Variants in MAF observed in about 807,000 individuals in gnomAD.
MAF encodes MAF bZIP transcription factor.
In MAF, 10 loss-of-function variants were observed where a neutral mutation model predicts 22.0. The observed-to-expected ratio is 0.45, with a 90% CI of 0.28 to 0.77. The LOEUF (loss-of-function observed/expected upper bound fraction) is 0.77, where lower values mean the gene tolerates loss of function less well. MAF is among the 30% of genes least tolerant of loss of function. The probability of loss-of-function intolerance (pLI) is 0.12; values close to 1 mark genes in which losing one functional copy is unlikely to be tolerated. For synonymous variants in MAF, 337 were observed against 255.8 expected, an observed-to-expected ratio of 1.32 and a Z score of -3.03; for missense variants, 544 against 548.4, an observed-to-expected ratio of 0.99 and a Z score of 0.08.
chr16:79,298,896 C>T, the MAF span, among the ~76,000 whole-genome samples: 1 of 152,240 alleles, frequency 6.6e-6, no homozygotes, highest in South Asian at 2.1e-4. Flanking sequence ...GCAGACAGGC[C>T]TCCAGGGCTA....
chr16:79,273,411 G>A, the MAF span, among the ~76,000 whole-genome samples: 1 of 152,178 alleles, frequency 6.6e-6, no homozygotes. Flanking sequence ...ACGTCCATTT[G>A]CTGCTGTAAC....
chr16:79,453,976 A>C, the MAF span, among the ~76,000 whole-genome samples: 1 of 152,190 alleles, frequency 6.6e-6, no homozygotes, highest in East Asian at 1.9e-4. Context: ...TAATAATGGC[A>C]TTAATTCATA....
the MAF span, among the ~76,000 whole-genome samples, chr16:79,236,852 G>C: frequency 6.6e-6 from 1 of 151,240 alleles, no homozygotes; most frequent in Non-Finnish European, 1.5e-5. Context: ...ACCTATACAA[G>C]GTTTACAGCC....
downstream of MAF, among the ~76,000 whole-genome samples, chr16:79,592,346 G>GA (rs918037671): frequency 6.6e-6 from 1 of 152,062 alleles, no homozygotes; most frequent in Non-Finnish European, 1.5e-5. Context: ...CCCCGCTAGG[G>GA]AAAAAAATGC....
chr16:79,433,724 A>G, the MAF span, among the ~76,000 whole-genome samples: 1 of 151,920 alleles, frequency 6.6e-6, no homozygotes, highest in Non-Finnish European at 1.5e-5. Context: ...TCTGTGTGCC[A>G]CCTCCTGGAT....
chr16:79,368,091 C>T, the MAF span, among the ~76,000 whole-genome samples: 1 of 152,200 alleles, frequency 6.6e-6, no homozygotes, highest in Admixed American at 6.5e-5. Flanking sequence ...CTGCATGCTG[C>T]TCCCTGCTCT....
At chr16:79,449,690 A>G in the MAF span, among the ~76,000 whole-genome samples, 1 of 152,136 alleles carries the variant, frequency 6.6e-6, no homozygotes. Context: ...ATGTTCCAGA[A>G]GTTTTTCCTT....
chr16:79,335,001 A>C, the MAF span, among the ~76,000 whole-genome samples: 5 of 151,818 alleles, frequency 3.3e-5, no homozygotes, highest in African/African-American at 1.2e-4. Flanking sequence ...CCTGGCCAAC[A>C]TGGTGAAACC....
At chr16:79,211,803 C>T in the MAF span, 2 of 1,613,976 alleles carry the variant, frequency 1.2e-6, no homozygotes, top group African/African-American at 1.3e-5. Flanking sequence ...CTAAGTGGAG[C>T]TCAGAGCGGA....
the MAF span, among the ~76,000 whole-genome samples, chr16:79,554,334 T>C: frequency 6.6e-6 from 1 of 152,186 alleles, no homozygotes; most frequent in East Asian, 1.9e-4. Flanking sequence ...TATCCATGTC[T>C]GCTGGTCTCT....
the MAF span, among the ~76,000 whole-genome samples, chr16:79,545,420 T>C: frequency 3.3e-5 from 5 of 152,160 alleles, no homozygotes; most frequent in African/African-American, 4.8e-5. Flanking sequence ...GACAGCAGAA[T>C]GTTAAATCAA....
the MAF span, among the ~76,000 whole-genome samples, chr16:79,444,296 T>G: frequency 3.3e-5 from 5 of 152,292 alleles, no homozygotes; most frequent in African/African-American, 4.8e-5. Flanking sequence ...AATGCTAAGT[T>G]TCTTCTTTAT....
intron 1 of MAF, chr16:79,595,219 A>G (rs1199134676): frequency 7.7e-6 from 8 of 1,044,048 alleles, no homozygotes; most frequent in Non-Finnish European, 9.2e-6. Flanking sequence ...TTGTTAAGCA[A>G]AATTAAGTGT....
chr16:79,525,178 A>C, the MAF span, among the ~76,000 whole-genome samples: 2 of 152,172 alleles, frequency 1.3e-5, no homozygotes, highest in East Asian at 1.9e-4. Context: ...CTTGCAATCT[A>C]TTCTTTTCCC....
chr16:79,551,596 A>ATAAC, the MAF span, among the ~76,000 whole-genome samples: 1 of 152,166 alleles, frequency 6.6e-6, no homozygotes, highest in Admixed American at 6.5e-5. Context: ...CCTGGATTGT[A>ATAAC]TAACTGTCTT....
the MAF span, among the ~76,000 whole-genome samples, chr16:79,260,779 G>C: frequency 6.6e-6 from 1 of 152,052 alleles, no homozygotes; most frequent in Non-Finnish European, 1.5e-5. Context: ...TGATATAGGA[G>C]CTGGCATCCA....
chr16:79,395,110 G>A, the MAF span, among the ~76,000 whole-genome samples: 5 of 152,214 alleles, frequency 3.3e-5, no homozygotes, highest in Admixed American at 1.3e-4. Flanking sequence ...AGAGCCAAGG[G>A]CCTGGAGGTG....
the MAF span, among the ~76,000 whole-genome samples, chr16:79,371,839 CG>C: frequency 6.6e-6 from 1 of 152,194 alleles, no homozygotes; most frequent in Non-Finnish European, 1.5e-5. Flanking sequence ...GCAGCTCTGC[CG>C]AGGCAGAACA....
chr16:79,521,146 C>A, the MAF span, among the ~76,000 whole-genome samples: 1 of 152,162 alleles, frequency 6.6e-6, no homozygotes, highest in Non-Finnish European at 1.5e-5. Flanking sequence ...GGGCAAGGAG[C>A]ACAGGCAGTT....
Sources: allele counts gnomAD v4.1 joint callset (sites outside exome capture counted in the v4.1 genomes callset), GRCh38; gene constraint gnomAD v4.1.1; transcripts MANE v1.5; gene names NCBI Gene and HGNC (gene_info 2026-07-23, HGNC 2026-07-21).